The following PTPRZ1 variants were observed in gnomAD, a reference collection of about 807,000 sequenced individuals.
PTPRZ1 encodes the protein protein tyrosine phosphatase receptor type Z1.
PTPRZ1 carries 82 observed loss-of-function variants against 214.1 expected under a neutral mutation model. That is an observed-to-expected ratio of 0.38 (90% CI 0.32 to 0.46). PTPRZ1 has a LOEUF of 0.46. Among genes scored for constraint, PTPRZ1 ranks in the 20% least tolerant of loss-of-function variants. The probability of loss-of-function intolerance (pLI) is 1.00; values close to 1 mark genes in which losing one functional copy is unlikely to be tolerated. For synonymous variants in PTPRZ1, 945 were observed against 987.9 expected, an observed-to-expected ratio of 0.96 and a Z score of 0.81; for missense variants, 2,603 against 2,748.7, an observed-to-expected ratio of 0.95 and a Z score of 1.19.
chr7:121,946,653 T>C (rs966522527), intron 2 of PTPRZ1, among the ~76,000 whole-genome samples: 1 of 152,132 alleles, frequency 6.6e-6, no homozygotes, highest in Non-Finnish European at 1.5e-5. Flanking sequence ...AACTTCAAAA[T>C]ACCTCCCCTC....
At chr7:121,977,681 A>G (rs1797483285) in intron 6 of PTPRZ1, among the ~76,000 whole-genome samples, 1 of 152,038 alleles carries the variant, frequency 6.6e-6, no homozygotes, top group Admixed American at 6.5e-5. Flanking sequence ...GAAGTCAGGA[A>G]TATGTGAACT....
chr7:121,946,855 A>G (rs1796394325), intron 2 of PTPRZ1, among the ~76,000 whole-genome samples: 1 of 152,170 alleles, frequency 6.6e-6, no homozygotes, highest in Non-Finnish European at 1.5e-5. Context: ...TAACCTGAAG[A>G]GACATCAGAC....
intron 2 of PTPRZ1, among the ~76,000 whole-genome samples, chr7:121,963,120 A>G (rs1339682080): frequency 6.6e-6 from 1 of 152,220 alleles, no homozygotes; most frequent in Non-Finnish European, 1.5e-5. Flanking sequence ...GGTACTAAGT[A>G]CTATTGTTGA....
intron 23 of PTPRZ1, among the ~76,000 whole-genome samples, chr7:122,046,021 G>T (rs1275770063): frequency 6.6e-6 from 1 of 152,132 alleles, no homozygotes. Context: ...TCAGACACCT[G>T]CCAGATGCCA....
At chr7:122,025,112 A>G (rs962093481) in intron 13 of PTPRZ1, among the ~76,000 whole-genome samples, 1 of 152,180 alleles carries the variant, frequency 6.6e-6, no homozygotes, top group African/African-American at 2.4e-5. Context: ...CTGGCACAGT[A>G]TTAAGAGTTG....
intron 1 of PTPRZ1, among the ~76,000 whole-genome samples, chr7:121,915,298 G>A (rs1050655101): frequency 2.0e-5 from 3 of 152,156 alleles, no homozygotes; most frequent in African/African-American, 7.2e-5. Context: ...TCTGGTGGAG[G>A]TCCTCTTGGG....
intron 1 of PTPRZ1, among the ~76,000 whole-genome samples, chr7:121,923,889 T>G (rs1795675371): frequency 6.6e-6 from 1 of 152,018 alleles, no homozygotes; most frequent in Non-Finnish European, 1.5e-5. Flanking sequence ...TATTTGTAAG[T>G]GCTTGAGGTA....
At chr7:122,001,202 C>T (rs1289136188) in intron 10 of PTPRZ1, among the ~76,000 whole-genome samples, 3 of 151,700 alleles carry the variant, frequency 2.0e-5, no homozygotes, top group African/African-American at 4.8e-5. Flanking sequence ...TGTAAGTTTG[C>T]GTTCAGAAAT....
Position 122,013,169 on chromosome 7 carries a change from G to A in PTPRZ1, c.4123G>A (p.Ala1375Thr). The A allele has an allele frequency of 6.2e-7, 1 of 1,614,064 alleles. No homozygotes were observed. Among genetic ancestry groups the A allele is most frequent in the Non-Finnish European group, 8.5e-7 (1 of 1,179,922 alleles). ...TGTTCCTATAGGAAATGGGCATGTT[G>A]CCATTACAGCTGTTTCTCCCCACAG... ...HSVPIGNGHV[A>T]ITAVSPHRDG... The change falls in exon 12 of 30, where the codon GCC becomes ACC. Residue 1375 changes from alanine to threonine, a missense_variant. Ala to Thr is a moderately conservative substitution (Grantham distance 58). This residue lies in a region of PTPRZ1 where 1,913 missense variants were observed against 1,914.3 expected (regional missense o/e 1.00). Transcript: ENST00000393386.
At chr7:121,928,266 T>G in intron 2 of PTPRZ1, 45 bp downstream of exon 2, 1 of 1,408,730 alleles carries the variant, frequency 7.1e-7, no homozygotes, top group Non-Finnish European at 9.8e-7. Flanking sequence ...AAACTTTTAT[T>G]GTTTTGTATC....
At position 122,013,237 on chromosome 7, in the gene PTPRZ1, G is replaced by A. The variant is rs1344588324; in HGVS notation, c.4191G>A (p.Lys1397=). ...CAACAAAGTTGCTGTTTCCTTCTAA[G>A]GCAACTTCTGAGCTGAGTCATAGTG... is the stretch of plus-strand genomic sequence containing the variant. ...VTSTKLLFPS[K]ATSELSHSAK... is the part of the protein sequence containing the mutation. Residue 1397 remains lysine, a synonymous_variant, in exon 12 of 30, where the codon AAG becomes AAA. Coordinates refer to ENST00000393386, the MANE Select transcript of PTPRZ1 (RefSeq NM_002851.3). The A allele has an allele frequency of 6.2e-7, 1 of 1,613,998 alleles. No homozygotes were observed. Among genetic ancestry groups the A allele is most frequent in the African/African-American group, 1.3e-5 (1 of 74,908 alleles).
chr7:122,044,485 C>T lies in PTPRZ1; in HGVS notation c.6001C>T (p.Leu2001=). ...EAILSKETEV[L]DSHIHAYVNA... Reference sequence around the variant, plus strand: ...CATACTTAGTAAAGAAACTGAGGTGCTGGACAGTCATATTCATGCCTATGT... The same window carrying T: ...CATACTTAGTAAAGAAACTGAGGTGTTGGACAGTCATATTCATGCCTATGT... The change falls in exon 23 of 30, where the codon CTG becomes TTG. Residue 2001 remains leucine (L), a synonymous_variant. Coordinates refer to ENST00000393386, the MANE Select transcript of PTPRZ1 (RefSeq NM_002851.3). 14 of 1,613,908 alleles carry T rather than the reference C, an allele frequency of 8.7e-6. No homozygotes were observed. The highest frequency in any genetic ancestry group is 1.2e-5 in the Non-Finnish European group (14 of 1,179,822).
intron 22 of PTPRZ1, among the ~76,000 whole-genome samples, chr7:122,043,724 A>G (rs1382133148): frequency 6.6e-6 from 1 of 152,096 alleles, no homozygotes; most frequent in Non-Finnish European, 1.5e-5. Flanking sequence ...ATGGAGACAT[A>G]GAGGGGAACA....
chr7:122,039,394 G>C, intron 19 of PTPRZ1, 60 bp from the exon 20 acceptor site: 2 of 1,567,060 alleles, frequency 1.3e-6, no homozygotes, highest in Non-Finnish European at 1.7e-6. Context: ...TGATTTCAGG[G>C]AATGACTTTT....
At chr7:122,046,120 T>C (rs1791971352) in intron 23 of PTPRZ1, among the ~76,000 whole-genome samples, 1 of 152,178 alleles carries the variant, frequency 6.6e-6, no homozygotes, top group Non-Finnish European at 1.5e-5. Flanking sequence ...GCCTGCAGTC[T>C]ATTAGAAGAT....
At chr7:121,928,257 A>G in intron 2 of PTPRZ1, 36 bp downstream of exon 2, 2 of 1,478,698 alleles carry the variant, frequency 1.4e-6, no homozygotes, top group Non-Finnish European at 1.9e-6. Flanking sequence ...ATTTAGCAGA[A>G]ACTTTTATTG....
At chr7:122,025,056 G>A (rs967863574) in intron 13 of PTPRZ1, among the ~76,000 whole-genome samples, 7 of 152,136 alleles carry the variant, frequency 4.6e-5, no homozygotes, top group African/African-American at 1.7e-4. Context: ...CTTGCTATTA[G>A]AAATCCATCT....
chr7:122,051,359 A>ATGTGTG, intron 23 of PTPRZ1, 69 bp from the exon 24 acceptor site: 1 of 931,074 alleles, frequency 1.1e-6, no homozygotes, highest in South Asian at 1.5e-5. Flanking sequence ...GTCTGTATGT[A>ATGTGTG]TGTGTGTGTG....
chr7:122,052,013 G>GTCTTTGCTTCTGGCAGC, intron 25 of PTPRZ1, 74 bp downstream of exon 25: 1 of 1,236,544 alleles, frequency 8.1e-7, no homozygotes, highest in Non-Finnish European at 1.1e-6. Flanking sequence ...GCTGCCAGAA[G>GTCTTTGCTTCTGGCAGC]CAAAGACTAC....
Sources: gnomAD v4.1 joint callset for allele counts (sites outside exome capture counted in the v4.1 genomes callset) on GRCh38, gnomAD v4.1.1 for gene constraint, gnomAD v4.1.1 regional missense constraint, MANE v1.5 for transcripts, NCBI Gene and HGNC (gene_info 2026-07-23, HGNC 2026-07-21) for gene names.